The following ERP44 variants were observed in gnomAD, a reference collection of about 807,000 sequenced individuals.
ERP44 encodes the protein endoplasmic reticulum resident protein 44.
Under a neutral mutation model 53.4 loss-of-function variants are expected in ERP44, and 25 were observed. The ratio of observed to expected loss-of-function variants is 0.47; its 90% CI spans 0.34 to 0.65. ERP44 has a LOEUF of 0.65. ERP44 is among the 30% of genes least tolerant of loss of function. The pLI, the probability that ERP44 is intolerant of heterozygous loss-of-function variation, is 0.01. For missense variants in ERP44, 338 were observed against 493.2 expected (o/e 0.69, Z 2.98); for synonymous variants, 145 against 161.2 (o/e 0.90, Z 0.76).
At chr9:100,068,658 A>G (rs1826263426) in intron 1 of ERP44, among the ~76,000 whole-genome samples, 1 of 141,466 alleles carries the variant, frequency 7.1e-6, no homozygotes. Flanking sequence ...CCCGTCCGGG[A>G]GGGAGGTGGG....
At chr9:100,036,072 C>T (rs996810294) in intron 4 of ERP44, among the ~76,000 whole-genome samples, 8 of 152,164 alleles carry the variant, frequency 5.3e-5, no homozygotes, top group African/African-American at 1.7e-4. Context: ...ATAAATTGTC[C>T]TACCAAAAGG....
chr9:100,078,131 C>T (rs1826379396), intron 1 of ERP44, among the ~76,000 whole-genome samples: 1 of 152,178 alleles, frequency 6.6e-6, no homozygotes, highest in South Asian at 2.1e-4. Context: ...TTGTTAAAAA[C>T]GTTTGTGCAT....
At chr9:100,063,759 T>G (rs1001994400) in intron 1 of ERP44, among the ~76,000 whole-genome samples, 1 of 152,200 alleles carries the variant, frequency 6.6e-6, no homozygotes, top group Non-Finnish European at 1.5e-5. Flanking sequence ...TTAGGAAGTA[T>G]TTTACAACTT....
intron 4 of ERP44, among the ~76,000 whole-genome samples, chr9:100,026,213 G>A (rs150223622): frequency 8.9e-4 from 135 of 152,306 alleles, no homozygotes; most frequent in African/African-American, 2.5e-3. Flanking sequence ...AACCTGGGGA[G>A]TTGGGTCACA....
chr9:99,998,034 C>T (rs142873152), intron 10 of ERP44, among the ~76,000 whole-genome samples: 10 of 152,300 alleles, frequency 6.6e-5, no homozygotes, highest in African/African-American at 2.2e-4. Context: ...TTTCTACTGT[C>T]CAATGGAAGT....
rs1451902629 is a variant in ERP44, at chr9:100,079,455, CAG to C, written c.58-19285_58-19284del. Among the ~76,000 whole-genome samples the C allele has an allele frequency of 4.8e-5, 7 of 144,854 alleles. No homozygotes were observed. In the South Asian group the frequency reaches 6.4e-4, roughly 13 times the overall value. On this transcript the variant is annotated intron_variant, in intron 1 of 11. Transcript: ENST00000262455. ...ACACACACACACACACACACACACA[CAG>C]ACACCCTATTAGTTCTGCTTTTCTA...
At chr9:100,013,984 G>A (rs886697060) in intron 8 of ERP44, among the ~76,000 whole-genome samples, 10 of 152,158 alleles carry the variant, frequency 6.6e-5, no homozygotes, top group African/African-American at 1.9e-4. Flanking sequence ...ACAGCTTCAT[G>A]CAATATGAAT....
intron 6 of ERP44, 102 bp from the exon 7 acceptor site, chr9:100,018,415 A>C: frequency 4.0e-6 from 3 of 746,296 alleles, no homozygotes; most frequent in Admixed American, 1.9e-5. Context: ...TCCCTATTAC[A>C]AGACTATGCA....
intron 10 of ERP44, among the ~76,000 whole-genome samples, chr9:99,986,508 T>C (rs536734068): frequency 6.6e-5 from 10 of 152,342 alleles, no homozygotes; most frequent in African/African-American, 1.9e-4. Flanking sequence ...TTTAATTCCT[T>C]GGGTAGAATT....
chr9:100,071,576 T>A (rs1826305411), intron 1 of ERP44, among the ~76,000 whole-genome samples: 1 of 152,186 alleles, frequency 6.6e-6, no homozygotes, highest in Admixed American at 6.5e-5. Flanking sequence ...CCCCTAATGA[T>A]TCCATTACTA....
intron 4 of ERP44, among the ~76,000 whole-genome samples, chr9:100,035,048 CAT>C (rs1469844859): frequency 6.6e-6 from 1 of 152,176 alleles, no homozygotes; most frequent in East Asian, 1.9e-4. Context: ...TGGACCTCTA[CAT>C]ATCATCATAT....
chr9:99,989,279 G>C (rs528995678), intron 10 of ERP44, among the ~76,000 whole-genome samples: 5 of 152,310 alleles, frequency 3.3e-5, no homozygotes, highest in African/African-American at 1.2e-4. Flanking sequence ...ACACCTCCCA[G>C]TAGGAGCCGA....
chr9:100,009,510 A>G (rs535503810), intron 8 of ERP44, among the ~76,000 whole-genome samples: 1 of 152,166 alleles, frequency 6.6e-6, no homozygotes, highest in South Asian at 2.1e-4. Context: ...TTCATCTTTT[A>G]GTAAGCTGAT....
At chr9:100,011,882 G>T (rs1830480134) in intron 8 of ERP44, among the ~76,000 whole-genome samples, 1 of 152,134 alleles carries the variant, frequency 6.6e-6, no homozygotes, top group Non-Finnish European at 1.5e-5. Context: ...CAAAATGCTT[G>T]GGATCAGAAG....
intron 1 of ERP44, among the ~76,000 whole-genome samples, chr9:100,084,886 C>A (rs1826464505): frequency 2.6e-5 from 4 of 152,042 alleles, no homozygotes; most frequent in Admixed American, 2.6e-4. Flanking sequence ...GGGTATTCCC[C>A]AAATAAAGTA....
At chr9:100,012,895 A>T (rs1830489586) in intron 8 of ERP44, among the ~76,000 whole-genome samples, 1 of 152,182 alleles carries the variant, frequency 6.6e-6, no homozygotes, top group Admixed American at 6.5e-5. Context: ...GGACTTAAGG[A>T]TCCAAGAAAT....
chr9:100,012,245 A>G (rs1193366289), intron 8 of ERP44, among the ~76,000 whole-genome samples: 4 of 152,216 alleles, frequency 2.6e-5, no homozygotes, highest in Non-Finnish European at 4.4e-5. Context: ...AAGATATGCA[A>G]TGAATTTGCA....
In ERP44 at chr9:100,057,878, A is replaced by G. The variant is rs781372346; in HGVS notation, c.131-19T>C. On this transcript the variant is annotated intron_variant, in intron 2 of 11. Transcript: ENST00000262455. The stretch of plus-strand genomic sequence containing the variant: ...GCATTGTCTGAAATTGAAAGACAAA[A>G]CCAAATAAGATATTTGTAATAATTT... 6.5e-7 allele frequency: 1 copy of G among 1,549,956 alleles called. No homozygotes were observed. The highest frequency in any genetic ancestry group is 1.1e-5 in the South Asian group (1 of 87,252).
intron 1 of ERP44, among the ~76,000 whole-genome samples, chr9:100,062,704 T>C (rs1826165251): frequency 6.6e-6 from 1 of 152,198 alleles, no homozygotes; most frequent in African/African-American, 2.4e-5. Context: ...TTGGTTATTC[T>C]GAAATATTTT....
Sources: gnomAD v4.1 joint callset for allele counts (sites outside exome capture counted in the v4.1 genomes callset) on GRCh38, gnomAD v4.1.1 for gene constraint, MANE v1.5 for transcripts, NCBI Gene and HGNC (gene_info 2026-07-23, HGNC 2026-07-21) for gene names.